The following CARM1 variants were observed in gnomAD, a reference collection of about 807,000 sequenced individuals.
CARM1 encodes the protein histone-arginine methyltransferase CARM1.
Under a neutral mutation model 72.7 loss-of-function variants are expected in CARM1, and 14 were observed. The observed-to-expected ratio is 0.19, with a 90% CI of 0.13 to 0.30. The LOEUF is 0.30. Ranked by LOEUF, CARM1 falls within the 10% of genes least tolerant of loss-of-function variation. The pLI is 1.00. For synonymous variants in CARM1, 333 were observed against 345.5 expected (o/e 0.96, Z 0.40); for missense variants, 432 against 833.7 (o/e 0.52, Z 5.93).
chr19:10,921,036 C>T lies in CARM1; in HGVS notation c.1538-14C>T, dbSNP rs45597736. ...CTCTGCCTCCAGCCCTGACGTCTCC[C>T]TCTCTGGACACAGGGATGCCGACCG... On this transcript the variant is annotated splice_polypyrimidine_tract_variant and intron_variant, in intron 13 of 15. Coordinates refer to ENST00000327064, the MANE Select transcript of CARM1 (RefSeq NM_199141.2). The T allele has an allele frequency of 0.03, 48,203 of 1,613,916 alleles. 868 individuals are homozygous for T. Among genetic ancestry groups the T allele is most frequent in the Middle Eastern group, 0.047 (283 of 6,060 alleles).
rs1229216384 is a variant in CARM1, at chr19:10,922,007, C to T, written c.*250C>T. On this transcript the variant is annotated 3_prime_UTR_variant, in exon 16 of 16. Transcript: ENST00000327064. ...TCATGTTGTGGGAGCCCTCGTCCCCCCTCCTGCCCGCTCTACCCTGACCTG... is the reference window on the plus strand; with the variant it reads ...TCATGTTGTGGGAGCCCTCGTCCCCTCTCCTGCCCGCTCTACCCTGACCTG... The T allele has an allele frequency of 4.9e-6, 2 of 410,814 alleles. No individual in the cohort carries two copies. Among genetic ancestry groups the T allele is most frequent in the Non-Finnish European group, 4.4e-6 (1 of 226,740 alleles). The allele number at this position is 410,814 out of a possible 1,614,324, so 25.4% of individuals were successfully genotyped here.
chr19:10,879,126 G>A (rs2073883685), intron 1 of CARM1, among the ~76,000 whole-genome samples: 2 of 152,114 alleles, frequency 1.3e-5, no homozygotes, highest in Non-Finnish European at 1.5e-5. Flanking sequence ...TTAAGGTGAG[G>A]TCTTGTCCTC....
intron 1 of CARM1, among the ~76,000 whole-genome samples, chr19:10,876,238 C>T (rs2073863796): frequency 6.6e-6 from 1 of 152,184 alleles, no homozygotes; most frequent in Non-Finnish European, 1.5e-5. Context: ...TTTGCCCAGG[C>T]TGGTCTTGAA....
Position 10,901,708 on chromosome 19 carries a change from G to A in CARM1, c.221-3243G>A, listed in dbSNP as rs149890540. Among the ~76,000 whole-genome samples the A allele has an allele frequency of 1.1e-4, 17 of 152,294 alleles. No homozygotes were observed. In the East Asian group the frequency reaches 2.7e-3, roughly 24 times the overall value. On this transcript the variant is annotated intron_variant, in intron 1 of 15. Transcript: ENST00000327064. ...TGTAATCCCAGCACTTTGAGATGCC[G>A]AGGCGGACAGATCACACGAGGCTAG...
At chr19:10,905,151 C>G in intron 2 of CARM1, 75 bp downstream of exon 2, 2 of 1,559,954 alleles carry the variant, frequency 1.3e-6, no homozygotes, top group Non-Finnish European at 1.7e-6. Context: ...GGCGTAGAGC[C>G]TGGCTGAGGG....
At chr19:10,917,723 T>C (rs1457943223) in intron 8 of CARM1, among the ~76,000 whole-genome samples, 1 of 149,284 alleles carries the variant, frequency 6.7e-6, no homozygotes, top group African/African-American at 2.4e-5. Context: ...TTTTTCTTTT[T>C]TTTTTTTTTT....
chr19:10,902,300 T>C (rs2074072196), intron 1 of CARM1, among the ~76,000 whole-genome samples: 1 of 147,756 alleles, frequency 6.8e-6, no homozygotes, highest in Admixed American at 6.7e-5. Context: ...CTTTTTTTTT[T>C]TTTTTTTTTT....
At position 10,913,123 on chromosome 19, in the gene CARM1, T is replaced by TG. The variant is rs201120067; in HGVS notation, c.670-746dup. Reference sequence around the variant, plus strand: ...GGTCACAGTGAACTCTCTTTTTTTTTGGGGGGGGTCTCACTCTGTTGCTCA... The same window carrying TG: ...GGTCACAGTGAACTCTCTTTTTTTTTGGGGGGGGGTCTCACTCTGTTGCTCA... On this transcript the variant is annotated intron_variant, in intron 5 of 15. Coordinates refer to ENST00000327064, the MANE Select transcript of CARM1 (RefSeq NM_199141.2). Among the ~76,000 whole-genome samples the TG allele has an allele frequency of 4.0e-4, 60 of 150,814 alleles. 1 individual carries two copies. The highest frequency in any genetic ancestry group is 8.8e-4 in the African/African-American group (36 of 41,106).
chr19:10,920,342 G>T lies in CARM1; in HGVS notation c.1197-94G>T. The T allele has an allele frequency of 6.9e-7, 1 of 1,439,296 alleles. No homozygotes were observed. The allele number at this position is 1,439,296 out of a possible 1,614,324, so 89.2% of individuals were successfully genotyped here. ...GGGTCCCAGGGGTCCCTGGCAGAGG[G>T]GGCAGGTGCTTGGGGAGGACTCAAG... On this transcript the variant is annotated intron_variant, in intron 10 of 15. Transcript: ENST00000327064. The surrounding 1 kb of genome is among the most constrained non-coding windows in gnomAD (Gnocchi z 5.3).
In CARM1 at chr19:10,915,893, G is replaced by A. The variant is rs1360907562; in HGVS notation, c.848-514G>A. Among the ~76,000 whole-genome samples, 2 of 152,218 alleles carry A rather than the reference G, an allele frequency of 1.3e-5. No individual in the cohort carries two copies. The highest frequency in any genetic ancestry group is 2.9e-5 in the Non-Finnish European group (2 of 68,024). On this transcript the variant is annotated intron_variant, in intron 6 of 15. Transcript: ENST00000327064. This position sits in a 1 kb window ranked among gnomAD's most constrained non-coding sequence, Gnocchi z 4.6. Reference sequence around the variant, plus strand: ...GGCCCATCCTGCCGGCTGGGTGCCTGTGCCAGAACCTAGGCAGTCCCTGTG... The same window carrying A: ...GGCCCATCCTGCCGGCTGGGTGCCTATGCCAGAACCTAGGCAGTCCCTGTG...
intron 8 of CARM1, among the ~76,000 whole-genome samples, chr19:10,917,484 AAG>A (rs1175747797): frequency 1.3e-5 from 2 of 152,082 alleles, no homozygotes; most frequent in Admixed American, 1.3e-4. Context: ...CTCAAAAAAA[AAG>A]AAAAAAAGGT....
chr19:10,908,208 C>CA (rs1161647553), intron 3 of CARM1, 63 bp downstream of exon 3: 8 of 1,058,354 alleles, frequency 7.6e-6, no homozygotes, highest in Non-Finnish European at 1.0e-5. Context: ...CACTCACCCG[C>CA]AGGAGGCCAC....
chr19:10,911,344 C>A (rs2074149326), intron 4 of CARM1, among the ~76,000 whole-genome samples: 1 of 152,148 alleles, frequency 6.6e-6, no homozygotes, highest in South Asian at 2.1e-4. Context: ...AGGCCTTGGG[C>A]CCTGGGGAGG....
rs2074161837 is a variant in CARM1 at position 10,912,706 on chromosome 19, G to A, written c.669+412G>A. 6.6e-6 allele frequency among the ~76,000 whole-genome samples: 1 copy of A among 152,070 alleles called. No individual in the cohort carries two copies. Among genetic ancestry groups the A allele is most frequent in the Non-Finnish European group, 1.5e-5 (1 of 68,006 alleles). On this transcript the variant is annotated intron_variant, in intron 5 of 15. Coordinates refer to ENST00000327064, the MANE Select transcript of CARM1 (RefSeq NM_199141.2). The surrounding 1 kb of genome is among the most constrained non-coding windows in gnomAD (Gnocchi z 4.5). ...GCGTCCTCTCGCACCAGTGGAGGCT[G>A]CACCCTCCATTCCCTGCTCTGCCTC...
intron 1 of CARM1, among the ~76,000 whole-genome samples, chr19:10,897,661 C>A (rs1281027854): frequency 6.6e-6 from 1 of 152,158 alleles, no homozygotes; most frequent in African/African-American, 2.4e-5. Context: ...CCTGGAGATC[C>A]CAGTCCCTTT....
intron 1 of CARM1, among the ~76,000 whole-genome samples, chr19:10,891,115 C>T (rs925049580): frequency 5.9e-5 from 9 of 151,738 alleles, no homozygotes; most frequent in Non-Finnish European, 1.0e-4. Flanking sequence ...AGAACTCTCT[C>T]GGTGGCTCCT....
chr19:10,871,901 G>A lies in CARM1; in HGVS notation c.199G>A (p.Ala67Thr), dbSNP rs1216311003. 8.1e-7 allele frequency: 1 copy of A among 1,229,730 alleles called. No individual in the cohort carries two copies. Among genetic ancestry groups the A allele is most frequent in the Non-Finnish European group, 1.0e-6 (1 of 982,672 alleles). The allele number at this position is 1,229,730 out of a possible 1,614,324, so 76.2% of individuals were successfully genotyped here. ...CGAGGTGCGCGCCGGCCCGGACTCGGCGGGCATCGCCCTCTACAGCCGTGA... is the reference window on the plus strand; with the variant it reads ...CGAGGTGCGCGCCGGCCCGGACTCGACGGGCATCGCCCTCTACAGCCGTGA... ...RLEVRAGPDS[A>T]GIALYSHEDV... Residue 67 changes from alanine to threonine, a missense_variant, in exon 1 of 16, where the codon GCG becomes ACG. Ala to Thr is a moderately conservative substitution (Grantham distance 58). Coordinates refer to ENST00000327064, the MANE Select transcript of CARM1 (RefSeq NM_199141.2). The surrounding 1 kb of genome is among the most constrained non-coding windows in gnomAD (Gnocchi z 5.6).
At chr19:10,881,501 A>G (rs1201554490) in intron 1 of CARM1, among the ~76,000 whole-genome samples, 1 of 152,136 alleles carries the variant, frequency 6.6e-6, no homozygotes, top group Non-Finnish European at 1.5e-5. Context: ...GGCAGGAAGG[A>G]GAGGGCAGCA....
chr19:10,881,362 A>G (rs182897349), intron 1 of CARM1, among the ~76,000 whole-genome samples: 463 of 152,274 alleles, frequency 3.0e-3, no homozygotes, highest in Non-Finnish European at 5.8e-3. Flanking sequence ...CTGTGACTGA[A>G]AAAGGGTACC....
Sources: gnomAD v4.1 joint callset for allele counts (sites outside exome capture counted in the v4.1 genomes callset) on GRCh38, gnomAD v4.1.1 for gene constraint, Gnocchi (gnomAD v3.1) non-coding constraint, MANE v1.5 for transcripts, NCBI Gene and HGNC (gene_info 2026-07-23, HGNC 2026-07-21) for gene names.